Variants in BNC1 observed in about 807,000 individuals in gnomAD.
BNC1 encodes zinc finger protein basonuclin-1.
In BNC1, 8 loss-of-function variants were observed where a neutral mutation model predicts 66.5. The observed-to-expected ratio is 0.12, with a 90% CI of 0.07 to 0.22. BNC1 has a LOEUF of 0.22. Ranked by LOEUF, BNC1 falls within the 10% of genes least tolerant of loss-of-function variation. The probability of loss-of-function intolerance (pLI) is 1.00; values close to 1 mark genes in which losing one functional copy is unlikely to be tolerated. For missense variants in BNC1, 1,069 were observed against 1,241.3 expected (o/e 0.86, Z 2.09); for synonymous variants, 454 against 452.6 (o/e 1.00, Z -0.04).
chr15:83,278,475 G>A (rs770268902), intron 1 of BNC1, among the ~76,000 whole-genome samples: 3 of 152,014 alleles, frequency 2.0e-5, no homozygotes, highest in Non-Finnish European at 4.4e-5. Flanking sequence ...TTAAAATCTA[G>A]GAATTCAAAA....
intron 1 of BNC1, among the ~76,000 whole-genome samples, chr15:83,279,225 T>C (rs2038355310): frequency 6.6e-6 from 1 of 152,220 alleles, no homozygotes; most frequent in African/African-American, 2.4e-5. Context: ...TGCTTTAAAG[T>C]AATCTAGTGT....
chr15:83,269,864 T>G (rs1223857622), intron 1 of BNC1, among the ~76,000 whole-genome samples: 1 of 152,184 alleles, frequency 6.6e-6, no homozygotes, highest in Non-Finnish European at 1.5e-5. Context: ...ATGTGATATA[T>G]CCACTCAATT....
chr15:83,264,268 A>C lies in BNC1; in HGVS notation c.983T>G (p.Ile328Ser), dbSNP rs1278931624. 1 of 1,614,106 alleles carries C rather than the reference A, an allele frequency of 6.2e-7. No homozygotes were observed. Among genetic ancestry groups the C allele is most frequent in the Admixed American group, 1.7e-5 (1 of 60,020 alleles). Reference sequence around the variant, plus strand: ...CTGTGTCCTTTCAAACTTAGTGACAATGTTGTATGAGCTGGAGTCACTTAA... The same window carrying C: ...CTGTGTCCTTTCAAACTTAGTGACACTGTTGTATGAGCTGGAGTCACTTAA... ...THLSDSSSYN[I>S]VTKFERTQLS... The change falls in exon 4 of 5, where the codon ATT becomes AGT. Residue 328 changes from isoleucine to serine, a missense_variant. Ile to Ser is a moderately radical substitution (Grantham distance 142). This residue lies in a region of BNC1 where 82 missense variants were observed against 136.3 expected (regional missense o/e 0.60). Transcript: ENST00000345382.
intron 1 of BNC1, among the ~76,000 whole-genome samples, chr15:83,269,435 G>GTGTGTGTGTGCGCGCGCA (rs1381104391): frequency 6.6e-6 from 1 of 152,006 alleles, no homozygotes; most frequent in African/African-American, 2.4e-5. Flanking sequence ...GTGCGTGTGT[G>GTGTGTGTGTGCGCGCGCA]TGTGTGTGTG....
At chr15:83,274,460 C>T (rs1346661855) in intron 1 of BNC1, among the ~76,000 whole-genome samples, 2 of 152,192 alleles carry the variant, frequency 1.3e-5, no homozygotes, top group South Asian at 4.1e-4. Flanking sequence ...ATAGTAGCAA[C>T]ATGTAGATAG....
chr15:83,281,841 T>C (rs963423046), intron 1 of BNC1, among the ~76,000 whole-genome samples: 3 of 152,208 alleles, frequency 2.0e-5, no homozygotes, highest in Non-Finnish European at 4.4e-5. Flanking sequence ...CTCTCATCTA[T>C]CGGGTTGGAT....
chr15:83,268,219 G>A lies in BNC1; in HGVS notation c.113C>T (p.Thr38Ile). 1 of 1,613,974 alleles carries A rather than the reference G, an allele frequency of 6.2e-7. No homozygotes were observed. Among genetic ancestry groups the A allele is most frequent in the Non-Finnish European group, 8.5e-7 (1 of 1,179,830 alleles). ...GAAACTTTGGCAACTACAGTTCAGA[G>A]TACAGCTGATAGCCTGAAAAAGAGG... ...GRRMAEAISC[T>I]LNCSCQSFKP... The change falls in exon 2 of 5, where the codon ACT becomes ATT. Residue 38 changes from threonine to isoleucine, a missense_variant. Thr to Ile is a moderately conservative substitution (Grantham distance 89). Around this residue, in one of 7 missense-constraint regions of BNC1, gnomAD observed 78 missense variants for 80.9 expected, o/e 0.96. Transcript: ENST00000345382.
intron 1 of BNC1, among the ~76,000 whole-genome samples, chr15:83,278,264 T>C (rs913153483): frequency 6.6e-6 from 1 of 152,234 alleles, no homozygotes; most frequent in Non-Finnish European, 1.5e-5. Context: ...ACAAGGTTTT[T>C]ATTTGTTTGT....
intron 1 of BNC1, among the ~76,000 whole-genome samples, chr15:83,280,819 A>T (rs1047869541): frequency 6.6e-6 from 1 of 152,214 alleles, no homozygotes; most frequent in Non-Finnish European, 1.5e-5. Flanking sequence ...TAACTATATG[A>T]AAAAATGTTA....
chr15:83,268,889 T>C (rs575255403), intron 1 of BNC1, among the ~76,000 whole-genome samples: 31 of 152,242 alleles, frequency 2.0e-4, no homozygotes, highest in African/African-American at 7.0e-4. Flanking sequence ...ATAGCTGAAA[T>C]TGAAAATAGA....
intron 1 of BNC1, 63 bp downstream of exon 1, chr15:83,284,467 C>T: frequency 1.9e-6 from 2 of 1,046,774 alleles, no homozygotes; most frequent in South Asian, 2.9e-5. Flanking sequence ...AGCCCAGCGG[C>T]GTCCCGGGCC....
intron 1 of BNC1, chr15:83,283,203 T>G (rs1567197348): frequency 2.6e-6 from 4 of 1,535,616 alleles, no homozygotes; most frequent in Admixed American, 2.0e-5. Flanking sequence ...AACATGTTTC[T>G]ACACCGCATT....
At chr15:83,283,216 T>G (rs1195154761) in intron 1 of BNC1, 12 of 1,535,664 alleles carry the variant, frequency 7.8e-6, no homozygotes, top group Non-Finnish European at 1.0e-5. Context: ...ACCGCATTTG[T>G]GAAAGTTTGG....
At position 83,257,325 on chromosome 15, in the gene BNC1, A is replaced by G. The variant is rs924896122; in HGVS notation, c.*117T>C. 41 of 1,219,174 alleles carry G rather than the reference A, an allele frequency of 3.4e-5. No individual in the cohort carries two copies. The highest frequency in any genetic ancestry group is 4.5e-5 in the Non-Finnish European group (39 of 866,750). The allele number at this position is 1,219,174 out of a possible 1,614,324, so 75.5% of individuals were successfully genotyped here. On this transcript the variant is annotated 3_prime_UTR_variant, in exon 5 of 5. Transcript: ENST00000345382. ...GTGCTGTGGAAAACTATAAAGTCAA[A>G]TCAAATACTTTTGCCTGACTCGCCC... is the stretch of plus-strand genomic sequence containing the variant.
At chr15:83,260,239 G>A (rs185136836) in intron 4 of BNC1, among the ~76,000 whole-genome samples, 13 of 152,248 alleles carry the variant, frequency 8.5e-5, no homozygotes, top group Admixed American at 2.0e-4. Context: ...TGTCTTCTAC[G>A]AAGTCAGACA....
At chr15:83,265,876 G>C (rs994010427) in intron 3 of BNC1, among the ~76,000 whole-genome samples, 2 of 152,114 alleles carry the variant, frequency 1.3e-5, no homozygotes, top group African/African-American at 4.8e-5. Flanking sequence ...CTACAAAATT[G>C]TTTTTAGTGT....
intron 1 of BNC1, among the ~76,000 whole-genome samples, chr15:83,278,675 G>A (rs1806385820): frequency 6.6e-6 from 1 of 152,286 alleles, no homozygotes; most frequent in South Asian, 2.1e-4. Context: ...AATAAATGAA[G>A]AACTGGAGTA....
chr15:83,262,932 T>C lies in BNC1; in HGVS notation c.2300+19A>G. 1 of 1,570,408 alleles carries C rather than the reference T, an allele frequency of 6.4e-7. No homozygotes were observed. The highest frequency in any genetic ancestry group is 1.2e-5 in the South Asian group (1 of 82,994). On this transcript the variant is annotated intron_variant, in intron 4 of 4. Transcript: ENST00000345382. The stretch of plus-strand genomic sequence containing the variant: ...AGAGCCACTGCCTTAGAAAAAATGA[T>C]TGCCTACAGATGCCTTACCTGTCTC...
chr15:83,257,225 C>T lies in BNC1; in HGVS notation c.*217G>A, dbSNP rs1054322127. The T allele has an allele frequency of 2.7e-5, 16 of 596,188 alleles. No individual in the cohort carries two copies. The African/African-American group carries it at 2.8e-4, about 10-fold the overall frequency. The allele number at this position is 596,188 out of a possible 1,614,324, so 36.9% of individuals were successfully genotyped here. On this transcript the variant is annotated 3_prime_UTR_variant, in exon 5 of 5. Transcript: ENST00000345382. The stretch of plus-strand genomic sequence containing the variant: ...AAGTTTTCCTTGTATCAGTGAAAGA[C>T]CTCTTGGGCTAAGAAAAATAATAGG...
Sources: gnomAD v4.1 joint callset for allele counts (sites outside exome capture counted in the v4.1 genomes callset) on GRCh38, gnomAD v4.1.1 for gene constraint, gnomAD v4.1.1 regional missense constraint, MANE v1.5 for transcripts, NCBI Gene and HGNC (gene_info 2026-07-23, HGNC 2026-07-21) for gene names.